INSC: variants seen among roughly 807,000 people sequenced by gnomAD.
The protein encoded by INSC is protein inscuteable homolog.
INSC carries 67 observed loss-of-function variants against 58.6 expected under a neutral mutation model. That is an observed-to-expected ratio of 1.14 (90% CI 0.94 to 1.40). The LOEUF (loss-of-function observed/expected upper bound fraction) is 1.40, where lower values mean the gene tolerates loss of function less well. Among genes scored for constraint, INSC ranks in the 40% most tolerant of loss-of-function variants. The pLI, the probability that INSC is intolerant of heterozygous loss-of-function variation, is 0.00. For synonymous variants in INSC, 262 were observed against 276.1 expected, an observed-to-expected ratio of 0.95 and a Z score of 0.51; for missense variants, 714 against 692.0, an observed-to-expected ratio of 1.03 and a Z score of -0.36.
At chr11:15,152,617 G>A (rs1425048361) in intron 2 of INSC, among the ~76,000 whole-genome samples, 1 of 152,130 alleles carries the variant, frequency 6.6e-6, no homozygotes, top group Non-Finnish European at 1.5e-5. Context: ...AGCCTCTTCT[G>A]GCTCTGAGTG....
At chr11:15,215,938 G>A (rs1296258498) in intron 7 of INSC, among the ~76,000 whole-genome samples, 1 of 152,146 alleles carries the variant, frequency 6.6e-6, no homozygotes, top group Non-Finnish European at 1.5e-5. Flanking sequence ...TAAGTGAATT[G>A]GGGTTGAGGT....
At position 15,235,483 on chromosome 11, in the gene INSC, G is replaced by T; in HGVS notation, c.1171-119G>T. The T allele has an allele frequency of 5.1e-6, 4 of 786,858 alleles. No homozygotes were observed. In the African/African-American group the frequency reaches 6.8e-5, roughly 13 times the overall value. The allele number at this position is 786,858 out of a possible 1,614,324, so 48.7% of individuals were successfully genotyped here. A position where few individuals can be genotyped will look rare whatever the true frequency, so the allele number is the denominator to read the frequency against. On this transcript the variant is annotated intron_variant, in intron 9 of 12. Coordinates refer to ENST00000379556, the MANE Select transcript of INSC (RefSeq NM_001042536.3). ...ATGCCGTGGAAGGATAGGCCCGGTGGACAGGAAGGAGTCACGGGATAAAAG... is the reference window on the plus strand; with the variant it reads ...ATGCCGTGGAAGGATAGGCCCGGTGTACAGGAAGGAGTCACGGGATAAAAG...
upstream of INSC, among the ~76,000 whole-genome samples, chr11:15,114,775 G>A (rs1003399794): frequency 6.6e-6 from 1 of 151,868 alleles, no homozygotes; most frequent in Non-Finnish European, 1.5e-5. Flanking sequence ...CGTGGCTGAC[G>A]CGGGACCAAG....
Position 15,225,654 on chromosome 11 carries a change from G to C in INSC, c.996G>C (p.Leu332=). 3 of 1,613,944 alleles carry C rather than the reference G, an allele frequency of 1.9e-6. No individual in the cohort carries two copies. Among genetic ancestry groups the C allele is most frequent in the Non-Finnish European group, 2.5e-6 (3 of 1,179,926 alleles). The part of the protein sequence containing the change: ...MEEIVTALVK[L]CQEASSGEVF... ...TTCTTTCTCTTTGCCATCCAGAACTGTGCCAAGAGGCCTCATCAGGGGAAG... is the reference window on the plus strand; with the variant it reads ...TTCTTTCTCTTTGCCATCCAGAACTCTGCCAAGAGGCCTCATCAGGGGAAG... Residue 332 remains leucine (L), a synonymous_variant, in exon 9 of 13, where the codon CTG becomes CTC. Transcript: ENST00000379556.
chr11:15,202,292 C>T (rs1339700564), intron 7 of INSC, among the ~76,000 whole-genome samples: 2 of 152,014 alleles, frequency 1.3e-5, no homozygotes, highest in Non-Finnish European at 2.9e-5. Flanking sequence ...CATTAGGTAG[C>T]GAGGCTCTGA....
At chr11:15,253,051 G>A in the INSC span, among the ~76,000 whole-genome samples, 3 of 152,018 alleles carry the variant, frequency 2.0e-5, no homozygotes, top group East Asian at 1.9e-4. Context: ...CACCAGCTGT[G>A]GTAGAACAAA....
chr11:15,159,373 T>C (rs1848935070), intron 2 of INSC, among the ~76,000 whole-genome samples: 1 of 152,166 alleles, frequency 6.6e-6, no homozygotes, highest in South Asian at 2.1e-4. Context: ...AATGGGCACA[T>C]TACGTCTGTG....
chr11:15,263,084 G>A, the INSC span, among the ~76,000 whole-genome samples: 2 of 152,104 alleles, frequency 1.3e-5, no homozygotes, highest in Admixed American at 1.3e-4. Context: ...ATTGAAATGA[G>A]AATCCAATAG....
chr11:15,182,076 A>G (rs1372333299), intron 5 of INSC, among the ~76,000 whole-genome samples: 4 of 152,112 alleles, frequency 2.6e-5, no homozygotes, highest in Non-Finnish European at 5.9e-5. Context: ...TTCCTTCAGG[A>G]CTTCTCAATT....
intron 2 of INSC, among the ~76,000 whole-genome samples, chr11:15,173,292 A>G (rs1008117029): frequency 6.6e-6 from 1 of 152,234 alleles, no homozygotes; most frequent in Non-Finnish European, 1.5e-5. Flanking sequence ...ATTTACAAAA[A>G]AAGCAATAGG....
At chr11:15,229,960 T>TATTATATATATATATATTATATA in intron 9 of INSC, among the ~76,000 whole-genome samples, 1 of 25,112 alleles carries the variant, frequency 4.0e-5, no homozygotes, top group Non-Finnish European at 6.5e-5. Flanking sequence ...ATATATATAT[T>TATTATATATATATATATTATATA]TATATATATA....
chr11:15,184,421 G>A, intron 5 of INSC: 1 of 197,654 alleles, frequency 5.1e-6, no homozygotes, highest in Non-Finnish European at 1.0e-5. Context: ...TTTTGAGGTG[G>A]AGTCTCACTC....
intron 5 of INSC, chr11:15,188,383 A>G: frequency 1.0e-6 from 1 of 985,064 alleles, no homozygotes; most frequent in Middle Eastern, 5.2e-4. Flanking sequence ...ACCTTCAAAA[A>G]TGGGATGTCA....
intron 2 of INSC, 93 bp from the exon 3 acceptor site, chr11:15,175,648 T>C (rs1366919168): frequency 4.5e-6 from 4 of 889,666 alleles, no homozygotes; most frequent in African/African-American, 1.7e-5. Context: ...AAACATATAA[T>C]AGGTGCTTAG....
intron 2 of INSC, among the ~76,000 whole-genome samples, chr11:15,172,975 T>C (rs1849451008): frequency 6.6e-6 from 1 of 152,218 alleles, no homozygotes; most frequent in East Asian, 1.9e-4. Flanking sequence ...AAAGCCCTAA[T>C]ACATTCTTGG....
At chr11:15,163,450 G>A (rs549480054) in intron 2 of INSC, among the ~76,000 whole-genome samples, 2 of 151,940 alleles carry the variant, frequency 1.3e-5, no homozygotes, top group Admixed American at 6.6e-5. Flanking sequence ...CCACCTGAAA[G>A]TTTTCTGATT....
chr11:15,269,309 A>T, the INSC span, among the ~76,000 whole-genome samples: 17 of 152,030 alleles, frequency 1.1e-4, no homozygotes, highest in Non-Finnish European at 2.1e-4. Flanking sequence ...TGGTTATGAG[A>T]CTTCATGGCT....
intron 2 of INSC, among the ~76,000 whole-genome samples, chr11:15,162,118 A>G (rs1849039847): frequency 6.6e-6 from 1 of 152,214 alleles, no homozygotes; most frequent in East Asian, 1.9e-4. Context: ...AGATGGACCC[A>G]GCTGACATCT....
chr11:15,178,955 A>G (rs1188597640), intron 5 of INSC, among the ~76,000 whole-genome samples: 1 of 152,224 alleles, frequency 6.6e-6, no homozygotes, highest in Non-Finnish European at 1.5e-5. Context: ...AGGCACCTGC[A>G]GGGAATAAGC....
Sources: gnomAD v4.1 joint callset for allele counts (sites outside exome capture counted in the v4.1 genomes callset) on GRCh38, gnomAD v4.1.1 for gene constraint, MANE v1.5 for transcripts, NCBI Gene and HGNC (gene_info 2026-07-23, HGNC 2026-07-21) for gene names.